TXNRD1: variants seen among roughly 807,000 people sequenced by gnomAD.
TXNRD1 encodes the protein thioredoxin reductase 1, cytoplasmic.
A neutral mutation model predicts 80.3 loss-of-function variants in TXNRD1; 57 were observed. That is an observed-to-expected ratio of 0.71 (90% CI 0.57 to 0.89). TXNRD1 has a LOEUF of 0.89. Ranked by LOEUF, TXNRD1 falls within the 40% of genes least tolerant of loss-of-function variation. TXNRD1 has a pLI of 0.00. For synonymous variants in TXNRD1, 291 were observed against 285.2 expected, an observed-to-expected ratio of 1.02 and a Z score of -0.20; for missense variants, 730 against 803.0, an observed-to-expected ratio of 0.91 and a Z score of 1.10.
At chr12:104,221,420 C>T (rs539707675) in intron 1 of TXNRD1, among the ~76,000 whole-genome samples, 11 of 152,246 alleles carry the variant, frequency 7.2e-5, no homozygotes, top group East Asian at 1.9e-4. Flanking sequence ...TGGGTTCAAG[C>T]GATTCTCCTG....
intron 4 of TXNRD1, chr12:104,305,025 TGTAAA>T (rs1475856046): frequency 1.5e-6 from 2 of 1,315,078 alleles, no homozygotes; most frequent in Non-Finnish European, 2.0e-6. Context: ...TTGTATCTCT[TGTAAA>T]GTGAAAAAGT....
At chr12:104,227,230 T>C (rs2032491807) in intron 1 of TXNRD1, among the ~76,000 whole-genome samples, 1 of 152,070 alleles carries the variant, frequency 6.6e-6, no homozygotes, top group African/African-American at 2.4e-5. Flanking sequence ...AAAATAGATT[T>C]TTGGTGTCCT....
intron 10 of TXNRD1, among the ~76,000 whole-genome samples, chr12:104,322,577 A>G (rs1331861607): frequency 4.0e-5 from 6 of 151,456 alleles, no homozygotes; most frequent in Non-Finnish European, 8.8e-5. Context: ...GAGGGCTTTC[A>G]CCATGTTGGC....
rs960861135 is a variant in TXNRD1, at chr12:104,270,103, G to T, written c.304+12024G>T. On this transcript the variant is annotated intron_variant, in intron 3 of 16. Transcript: ENST00000525566. ...TGAATTCATCAAAGTTACTCATAAG[G>T]GTTGGAATCACCTTCTTCCAAACTC... is the stretch of plus-strand genomic sequence containing the variant. Among the ~76,000 whole-genome samples the T allele has an allele frequency of 4.6e-5, 7 of 152,178 alleles. No homozygotes were observed. In the South Asian group the frequency reaches 1.2e-3, roughly 27 times the overall value.
chr12:104,273,680 T>C (rs966165216), intron 3 of TXNRD1, among the ~76,000 whole-genome samples: 14 of 152,218 alleles, frequency 9.2e-5, no homozygotes, highest in Admixed American at 2.6e-4. Context: ...CAAGAGCAAG[T>C]ACCGCCCCGA....
At chr12:104,249,521 C>T (rs1402135388) in intron 1 of TXNRD1, among the ~76,000 whole-genome samples, 1 of 152,104 alleles carries the variant, frequency 6.6e-6, no homozygotes, top group African/African-American at 2.4e-5. Flanking sequence ...TTGACCCTGT[C>T]TTGACATTGT....
intron 5 of TXNRD1, 102 bp from the exon 6 acceptor site, chr12:104,313,143 T>C (rs1225144491): frequency 7.0e-6 from 6 of 854,692 alleles, no homozygotes; most frequent in African/African-American, 1.7e-5. Context: ...TTCGTTATGC[T>C]TTAAGCTCTA....
chr12:104,278,435 G>A (rs951223598), intron 3 of TXNRD1, among the ~76,000 whole-genome samples: 5 of 146,840 alleles, frequency 3.4e-5, no homozygotes, highest in African/African-American at 1.3e-4. Flanking sequence ...TCCTGACCTC[G>A]TGATCCGCCC....
chr12:104,344,223 G>C lies in TXNRD1; in HGVS notation c.1882-4130G>C, dbSNP rs145200051. 6.3e-3 allele frequency among the ~76,000 whole-genome samples: 952 copies of C among 152,276 alleles called. 9 individuals are homozygous for C. The highest frequency in any genetic ancestry group is 0.022 in the African/African-American group (898 of 41,564). The stretch of plus-strand genomic sequence containing the variant: ...TGCCGAATAGCTGCACCTGTTAGCT[G>C]TTTTTTCCCCAGGATATTATAGATG... On this transcript the variant is annotated intron_variant, in intron 16 of 16. Coordinates refer to ENST00000525566, the MANE Select transcript of TXNRD1 (RefSeq NM_001093771.3).
chr12:104,254,644 A>AAAAAAAAAATATAT, intron 2 of TXNRD1, among the ~76,000 whole-genome samples: 10 of 93,644 alleles, frequency 1.1e-4, no homozygotes, highest in Non-Finnish European at 1.5e-4. Context: ...AAAAAAAAAA[A>AAAAAAAAAATATAT]ATATATATAT....
intron 4 of TXNRD1, among the ~76,000 whole-genome samples, chr12:104,307,201 T>C (rs917785166): frequency 5.9e-5 from 9 of 152,218 alleles, no homozygotes; most frequent in Non-Finnish European, 1.2e-4. Flanking sequence ...TAAAAATTTA[T>C]AGAGGTTAAG....
intron 15 of TXNRD1, among the ~76,000 whole-genome samples, chr12:104,335,716 A>G (rs1048010374): frequency 7.2e-5 from 11 of 152,208 alleles, no homozygotes; most frequent in African/African-American, 2.7e-4. Flanking sequence ...CACTTTTTAA[A>G]GAAACGACCT....
chr12:104,339,435 T>C (rs747592971), intron 16 of TXNRD1, 162 bp downstream of exon 16: 1 of 970,842 alleles, frequency 1.0e-6, no homozygotes, highest in Non-Finnish European at 1.6e-6. Context: ...CAATACTGAT[T>C]GCTCATGGTA....
intron 1 of TXNRD1, among the ~76,000 whole-genome samples, chr12:104,249,905 C>T (rs996716998): frequency 2.3e-5 from 3 of 132,482 alleles, no homozygotes; most frequent in African/African-American, 8.7e-5. Flanking sequence ...CACTGTACTC[C>T]AGCCTTGGCA....
At chr12:104,224,759 A>G (rs1394653977) in intron 1 of TXNRD1, 2 of 449,678 alleles carry the variant, frequency 4.4e-6, no homozygotes, top group Non-Finnish European at 4.5e-6. Flanking sequence ...ATGTTCAAAT[A>G]TAGTTGTGTC....
intron 13 of TXNRD1, among the ~76,000 whole-genome samples, chr12:104,330,845 C>T (rs558288250): frequency 6.6e-6 from 1 of 152,118 alleles, no homozygotes; most frequent in Non-Finnish European, 1.5e-5. Flanking sequence ...GCCTCAGCCT[C>T]CCAAAGTGCT....
At chr12:104,303,733 G>C (rs994486596) in intron 4 of TXNRD1, 5 of 874,112 alleles carry the variant, frequency 5.7e-6, no homozygotes, top group Non-Finnish European at 8.2e-6. Flanking sequence ...CGGGCCGCTA[G>C]TGCGCATGGG....
At chr12:104,300,377 G>A (rs955363705) in intron 4 of TXNRD1, among the ~76,000 whole-genome samples, 1 of 152,218 alleles carries the variant, frequency 6.6e-6, no homozygotes, top group Non-Finnish European at 1.5e-5. Context: ...TCTCATGGTT[G>A]CCTGAACTAG....
chr12:104,335,153 C>G (rs548480749), intron 15 of TXNRD1, among the ~76,000 whole-genome samples: 1 of 152,008 alleles, frequency 6.6e-6, no homozygotes, highest in African/African-American at 2.4e-5. Flanking sequence ...CCATAAACCC[C>G]CAACTGTCCA....
Sources: gnomAD v4.1 joint callset for allele counts (sites outside exome capture counted in the v4.1 genomes callset) on GRCh38, gnomAD v4.1.1 for gene constraint, MANE v1.5 for transcripts, NCBI Gene and HGNC (gene_info 2026-07-23, HGNC 2026-07-21) for gene names.